The following TRERF1 variants were observed in gnomAD, a reference collection of about 807,000 sequenced individuals.
The protein encoded by TRERF1 is transcriptional regulating factor 1, also known as transcriptional-regulating factor 1.
TRERF1 carries 27 observed loss-of-function variants against 122.9 expected under a neutral mutation model. The observed-to-expected ratio is 0.22, with a 90% CI of 0.16 to 0.30. The LOEUF (loss-of-function observed/expected upper bound fraction) is 0.30. TRERF1 is among the 10% of genes least tolerant of loss of function. TRERF1 has a pLI of 1.00. For missense variants in TRERF1, 1,248 were observed against 1,560.3 expected, an observed-to-expected ratio of 0.80 and a Z score of 3.37; for synonymous variants, 636 against 641.7, an observed-to-expected ratio of 0.99 and a Z score of 0.13.
At chr6:42,328,384 G>T (rs1382991097) in intron 3 of TRERF1, among the ~76,000 whole-genome samples, 1 of 152,104 alleles carries the variant, frequency 6.6e-6, no homozygotes, top group African/African-American at 2.4e-5. Context: ...ACCTCTGCAG[G>T]TTTGTTATGT....
chr6:42,257,584 C>T lies in TRERF1; in HGVS notation c.2337-482G>A, dbSNP rs78581215. On this transcript the variant is annotated intron_variant, in intron 10 of 17. Transcript: ENST00000372922. Reference sequence around the variant, plus strand: ...GTCAACTAAACCCTACAAAGGTTAACTGGATCAAGATCAAATTACAAAATG... The same window carrying T: ...GTCAACTAAACCCTACAAAGGTTAATTGGATCAAGATCAAATTACAAAATG... 7.4e-3 allele frequency among the ~76,000 whole-genome samples: 1,129 copies of T among 152,344 alleles called. 12 individuals are homozygous for T. The highest frequency in any genetic ancestry group is 0.024 in the African/African-American group (1,013 of 41,572).
At chr6:42,238,861 ACACACACAC>A (rs1561800538) in intron 15 of TRERF1, among the ~76,000 whole-genome samples, 71 of 150,764 alleles carry the variant, frequency 4.7e-4, no homozygotes, top group African/African-American at 1.6e-3. Flanking sequence ...ACACACACAC[ACACACACAC>A]AATTTCTAGT....
intron 2 of TRERF1, among the ~76,000 whole-genome samples, chr6:42,374,743 C>T (rs1433869600): frequency 6.6e-6 from 1 of 151,964 alleles, no homozygotes; most frequent in East Asian, 1.9e-4. Context: ...TGTGGTGGCT[C>T]ACACCTGCAA....
chr6:42,259,615 G>A lies in TRERF1; in HGVS notation c.1993C>T (p.Pro665Ser), dbSNP rs748483984. Residue 665 changes from proline to serine, a missense_variant, in exon 9 of 18, where the codon CCG becomes TCG. By Grantham distance (74) the Pro-to-Ser change is moderately conservative. This residue lies in a region of TRERF1 where 946 missense variants were observed against 1,073.0 expected (regional missense o/e 0.88). Transcript: ENST00000372922. The surrounding 1 kb of genome is among the most constrained non-coding windows in gnomAD (Gnocchi z 4.9). ...GGGTTCGGGTTGTAGGAGGGCGGCGGCGGGATGAAGAGAGGTTCCGGCCGG... is the reference window on the plus strand; with the variant it reads ...GGGTTCGGGTTGTAGGAGGGCGGCGACGGGATGAAGAGAGGTTCCGGCCGG... 3 of 1,613,670 alleles carry A rather than the reference G, an allele frequency of 1.9e-6. No homozygotes were observed. Among genetic ancestry groups the A allele is most frequent in the Admixed American group, 1.7e-5 (1 of 60,008 alleles).
chr6:42,429,664 A>T (rs916209207), intron 2 of TRERF1, among the ~76,000 whole-genome samples: 1 of 152,320 alleles, frequency 6.6e-6, no homozygotes, highest in East Asian at 1.9e-4. Flanking sequence ...CGAGCCCCCA[A>T]GGACACAGCA....
At chr6:42,359,360 C>CT (rs754298727) in intron 3 of TRERF1, among the ~76,000 whole-genome samples, 1 of 152,198 alleles carries the variant, frequency 6.6e-6, no homozygotes, top group Non-Finnish European at 1.5e-5. Flanking sequence ...GACAGTCTGA[C>CT]TGTGTAGCTG....
intron 3 of TRERF1, among the ~76,000 whole-genome samples, chr6:42,346,898 G>A (rs1332750500): frequency 6.6e-6 from 1 of 152,162 alleles, no homozygotes; most frequent in African/African-American, 2.4e-5. Flanking sequence ...TCAACCCAGG[G>A]AGGTGACTAC....
At chr6:42,264,489 C>T (rs1420332937) in intron 7 of TRERF1, among the ~76,000 whole-genome samples, 1 of 152,246 alleles carries the variant, frequency 6.6e-6, no homozygotes, top group Non-Finnish European at 1.5e-5. Flanking sequence ...GGCTTTCTAG[C>T]GCCTCTGATT....
chr6:42,258,040 G>T, intron 10 of TRERF1, 95 bp downstream of exon 10: 1 of 1,037,462 alleles, frequency 9.6e-7, no homozygotes. Flanking sequence ...TTCTACAACT[G>T]CTCTCTCAGT....
chr6:42,359,957 A>G (rs1421311526), intron 3 of TRERF1, among the ~76,000 whole-genome samples: 4 of 152,228 alleles, frequency 2.6e-5, no homozygotes, highest in Admixed American at 6.5e-5. Flanking sequence ...CAGAAAAAAA[A>G]AACTTCGGTA....
At chr6:42,386,897 G>A (rs924552815) in intron 2 of TRERF1, among the ~76,000 whole-genome samples, 3 of 152,182 alleles carry the variant, frequency 2.0e-5, no homozygotes, top group Non-Finnish European at 4.4e-5. Flanking sequence ...CTTTGTTGGA[G>A]ATGGGGTTCC....
intron 3 of TRERF1, among the ~76,000 whole-genome samples, chr6:42,327,126 G>C (rs1025314664): frequency 6.6e-6 from 1 of 152,200 alleles, no homozygotes; most frequent in African/African-American, 2.4e-5. Context: ...AATACCACCA[G>C]GATAGAGGTC....
intron 2 of TRERF1, among the ~76,000 whole-genome samples, chr6:42,364,694 G>A (rs907819225): frequency 3.9e-5 from 6 of 152,222 alleles, no homozygotes; most frequent in African/African-American, 9.6e-5. Context: ...AAGGCAGGAG[G>A]CCTCTGCAGC....
At chr6:42,362,669 T>A (rs2296202) in intron 3 of TRERF1, among the ~76,000 whole-genome samples, 5,700 of 152,274 alleles carry the variant, frequency 0.037, 273 homozygotes, top group East Asian at 0.24. Flanking sequence ...CTTCTACACC[T>A]CCACTGCATC....
chr6:42,349,796 G>T (rs1363870268), intron 3 of TRERF1, among the ~76,000 whole-genome samples: 1 of 152,020 alleles, frequency 6.6e-6, no homozygotes, highest in Non-Finnish European at 1.5e-5. Flanking sequence ...CTCTTTCATG[G>T]TAACCGCCGA....
chr6:42,365,108 A>G (rs879468740), intron 2 of TRERF1, among the ~76,000 whole-genome samples: 13 of 152,104 alleles, frequency 8.5e-5, no homozygotes, highest in Non-Finnish European at 1.9e-4. Flanking sequence ...CTGAGTGGTG[A>G]AGGGCAGACA....
At chr6:42,316,319 GA>G (rs1464978807) in intron 3 of TRERF1, among the ~76,000 whole-genome samples, 1 of 152,170 alleles carries the variant, frequency 6.6e-6, no homozygotes, top group Non-Finnish European at 1.5e-5. Flanking sequence ...TAAGAAATGA[GA>G]AAAATGCCTC....
chr6:42,289,343 C>CA (rs145805556), intron 4 of TRERF1, among the ~76,000 whole-genome samples: 3,532 of 130,968 alleles, frequency 0.027, 152 homozygotes, highest in African/African-American at 0.097. Context: ...AAAAAACAAA[C>CA]AAACAAAAAA....
intron 2 of TRERF1, among the ~76,000 whole-genome samples, chr6:42,397,015 C>CT (rs1340920455): frequency 6.6e-6 from 1 of 152,158 alleles, no homozygotes; most frequent in African/African-American, 2.4e-5. Context: ...GGTTTTCAAA[C>CT]TTTTTTTAGC....
Sources: allele counts gnomAD v4.1 joint callset (sites outside exome capture counted in the v4.1 genomes callset), GRCh38; gene constraint gnomAD v4.1.1; regional missense constraint gnomAD v4.1.1; non-coding constraint Gnocchi (gnomAD v3.1); transcripts MANE v1.5; gene names NCBI Gene and HGNC (gene_info 2026-07-23, HGNC 2026-07-21).